Variants in TBC1D32 observed in about 807,000 individuals in gnomAD.
TBC1D32 encodes the protein protein broad-minded.
A neutral mutation model predicts 170.3 loss-of-function variants in TBC1D32; 151 were observed. That is an observed-to-expected ratio of 0.89 (90% CI 0.78 to 1.01). The LOEUF is 1.01. Ranked by LOEUF, TBC1D32 falls within the 50% of genes least tolerant of loss-of-function variation. TBC1D32 has a pLI of 0.00. For synonymous variants in TBC1D32, 498 were observed against 488.0 expected (o/e 1.02, Z -0.27); for missense variants, 1,464 against 1,457.1 (o/e 1.00, Z -0.08).
chr6:121,326,432 T>G (rs984943250), intron 1 of TBC1D32, among the ~76,000 whole-genome samples: 4 of 152,192 alleles, frequency 2.6e-5, no homozygotes, highest in African/African-American at 9.6e-5. Context: ...CCGCTATACA[T>G]GTATGGAAAC....
intron 24 of TBC1D32, among the ~76,000 whole-genome samples, chr6:121,159,297 A>C: frequency 6.6e-6 from 1 of 152,172 alleles, no homozygotes; most frequent in Non-Finnish European, 1.5e-5. Context: ...AATCTTCACT[A>C]ATTTCAGTTG....
At chr6:121,293,755 C>A (rs1805211444) in intron 11 of TBC1D32, among the ~76,000 whole-genome samples, 2 of 151,938 alleles carry the variant, frequency 1.3e-5, no homozygotes, top group South Asian at 4.2e-4. Context: ...ACTAAAAATA[C>A]AAAAACTTAG....
chr6:121,169,272 A>G (rs1444054235), intron 22 of TBC1D32, among the ~76,000 whole-genome samples: 2 of 152,166 alleles, frequency 1.3e-5, no homozygotes, highest in Non-Finnish European at 2.9e-5. Flanking sequence ...CCAAACTTCT[A>G]CAACAATCTG....
At chr6:121,224,668 C>G (rs929161954) in intron 20 of TBC1D32, among the ~76,000 whole-genome samples, 3 of 152,152 alleles carry the variant, frequency 2.0e-5, no homozygotes, top group Admixed American at 1.3e-4. Context: ...GACACCGACA[C>G]CCTTGTTCTA....
chr6:121,095,691 C>T (rs1325351663), intron 30 of TBC1D32, among the ~76,000 whole-genome samples: 1 of 151,624 alleles, frequency 6.6e-6, no homozygotes, highest in African/African-American at 2.4e-5. Flanking sequence ...TTGAGATAAT[C>T]GTGGTTTTTG....
At chr6:121,252,569 G>A (rs1244222428) in intron 17 of TBC1D32, among the ~76,000 whole-genome samples, 1 of 152,066 alleles carries the variant, frequency 6.6e-6, no homozygotes, top group Non-Finnish European at 1.5e-5. Flanking sequence ...GGGCCTCTCA[G>A]GGGGTGGAGA....
chr6:121,097,436 G>GA (rs1238201427), intron 30 of TBC1D32, among the ~76,000 whole-genome samples: 1 of 151,994 alleles, frequency 6.6e-6, no homozygotes, highest in African/African-American at 2.4e-5. Flanking sequence ...ACAAACATAT[G>GA]AAAAAAAGTT....
intron 29 of TBC1D32, among the ~76,000 whole-genome samples, chr6:121,109,886 T>G (rs1197760557): frequency 2.0e-5 from 3 of 152,130 alleles, no homozygotes; most frequent in Non-Finnish European, 4.4e-5. Context: ...ACAACATTCT[T>G]ATGAATGCAG....
chr6:121,316,389 A>G (rs559746101), intron 3 of TBC1D32, among the ~76,000 whole-genome samples: 10 of 152,238 alleles, frequency 6.6e-5, no homozygotes, highest in African/African-American at 2.4e-4. Flanking sequence ...TTAAGTCCAG[A>G]AAGTCCTTGA....
chr6:121,129,834 T>C, intron 25 of TBC1D32: 1 of 422,202 alleles, frequency 2.4e-6, no homozygotes, highest in Non-Finnish European at 4.6e-6. Context: ...CTATTGGTAA[T>C]AATCAGAAAA....
At chr6:121,252,013 C>G (rs1321930147) in intron 17 of TBC1D32, among the ~76,000 whole-genome samples, 1 of 152,110 alleles carries the variant, frequency 6.6e-6, no homozygotes, top group Non-Finnish European at 1.5e-5. Flanking sequence ...CAAATCAAAA[C>G]CACAGTGAGA....
At chr6:121,119,504 C>T (rs1459982129) in intron 26 of TBC1D32, among the ~76,000 whole-genome samples, 1 of 151,456 alleles carries the variant, frequency 6.6e-6, no homozygotes, top group African/African-American at 2.4e-5. Context: ...GATTTTTTTT[C>T]TAACATTTTG....
chr6:121,312,728 C>G (rs189475269), intron 3 of TBC1D32, among the ~76,000 whole-genome samples: 2 of 152,154 alleles, frequency 1.3e-5, no homozygotes, highest in African/African-American at 2.4e-5. Context: ...CTTTGATGTA[C>G]TTACATGCTA....
At chr6:121,301,517 T>A (rs554237444) in intron 9 of TBC1D32, among the ~76,000 whole-genome samples, 3 of 152,014 alleles carry the variant, frequency 2.0e-5, no homozygotes, top group Admixed American at 6.5e-5. Flanking sequence ...GAGGGGAACA[T>A]CACACACCAG....
Position 121,284,172 on chromosome 6 carries a change from A to G in TBC1D32, c.1373-262T>C, listed in dbSNP as rs556935522. 4.6e-4 allele frequency among the ~76,000 whole-genome samples: 70 copies of G among 152,208 alleles called. 2 individuals are homozygous for G. The South Asian group carries it at 0.014, about 31-fold the overall frequency. On this transcript the variant is annotated intron_variant, in intron 12 of 31. Coordinates refer to ENST00000398212, the MANE Select transcript of TBC1D32 (RefSeq NM_152730.6). ...ATTTCGAACCAATCACTTAAGATAA[A>G]CCTATGCTAGGAAGATGTATGAATC...
intron 15 of TBC1D32, among the ~76,000 whole-genome samples, chr6:121,261,474 G>A (rs528455600): frequency 1.8e-4 from 28 of 152,134 alleles, no homozygotes; most frequent in Non-Finnish European, 3.5e-4. Context: ...TCCAGGTGTG[G>A]AAGCGAACCA....
intron 9 of TBC1D32, among the ~76,000 whole-genome samples, chr6:121,300,266 G>A (rs1020790966): frequency 6.6e-6 from 1 of 151,904 alleles, no homozygotes; most frequent in African/African-American, 2.4e-5. Flanking sequence ...TGGCCAATAT[G>A]GTGAAACCCC....
chr6:121,221,384 ATTC>A (rs1207018916), intron 21 of TBC1D32, among the ~76,000 whole-genome samples: 1 of 152,244 alleles, frequency 6.6e-6, no homozygotes, highest in Non-Finnish European at 1.5e-5. Flanking sequence ...CATAACATCC[ATTC>A]TGTAGCCCAT....
At chr6:121,259,571 A>G (rs1296837266) in intron 15 of TBC1D32, among the ~76,000 whole-genome samples, 5 of 152,160 alleles carry the variant, frequency 3.3e-5, no homozygotes, top group African/African-American at 4.8e-5. Flanking sequence ...TCAAAGTAAA[A>G]GGATTTTCCA....
Sources: gnomAD v4.1 joint callset for allele counts (sites outside exome capture counted in the v4.1 genomes callset) on GRCh38, gnomAD v4.1.1 for gene constraint, MANE v1.5 for transcripts, NCBI Gene and HGNC (gene_info 2026-07-23, HGNC 2026-07-21) for gene names.